The following AAK1 variants were observed in gnomAD, a reference collection of about 807,000 sequenced individuals.
The protein encoded by AAK1 is AP2-associated protein kinase 1.
AAK1 carries 37 observed loss-of-function variants against 116.0 expected under a neutral mutation model. That is an observed-to-expected ratio of 0.32 (90% CI 0.25 to 0.42). AAK1 has a LOEUF of 0.42. Ranked by LOEUF, AAK1 falls within the 10% of genes least tolerant of loss-of-function variation. The probability of loss-of-function intolerance (pLI) is 1.00; values close to 1 mark genes in which losing one functional copy is unlikely to be tolerated. For missense variants in AAK1, 919 were observed against 1,170.6 expected (o/e 0.79, Z 3.14); for synonymous variants, 458 against 439.9 (o/e 1.04, Z -0.51).
At chr2:69,520,141 GA>G in intron 11 of AAK1, 1 of 232,858 alleles carries the variant, frequency 4.3e-6, no homozygotes. Context: ...ACAGAACAGG[GA>G]AGCTGCCCTG....
At chr2:69,562,629 T>C (rs772078784) in intron 2 of AAK1, among the ~76,000 whole-genome samples, 4 of 152,200 alleles carry the variant, frequency 2.6e-5, no homozygotes, top group Non-Finnish European at 4.4e-5. Context: ...CGGTGGCTCA[T>C]GTCTGTAATC....
At chr2:69,599,290 CAATGT>C (rs1673447557) in intron 2 of AAK1, among the ~76,000 whole-genome samples, 1 of 148,418 alleles carries the variant, frequency 6.7e-6, no homozygotes, top group African/African-American at 2.5e-5. Context: ...AATAAGAAAG[CAATGT>C]AGAGTTTTAC....
At chr2:69,505,839 G>C (rs1197612087) in intron 15 of AAK1, among the ~76,000 whole-genome samples, 166 bp from the exon 16 acceptor site, 1 of 152,118 alleles carries the variant, frequency 6.6e-6, no homozygotes. Flanking sequence ...CAATAACTGA[G>C]AGAACGGCTG....
Position 69,514,559 on chromosome 2 carries a change from A to G in AAK1, c.1688T>C (p.Leu563Ser), listed in dbSNP as rs1272093928. The change falls in exon 13 of 22, where the codon TTG becomes TCG. Residue 563 changes from leucine to serine, a missense_variant. This residue lies in a region of AAK1 where 214 missense variants were observed against 210.6 expected (regional missense o/e 1.02). Transcript: ENST00000409085. ...QQQLMTQQAALQQKPTMAAGQ... is the reference protein window; with the variant it reads ...QQQLMTQQAASQQKPTMAAGQ... Reference sequence around the variant, plus strand: ...TGCTGCCATAGTGGGCTTTTGCTGCAAGGCAGCCTGCTGAGTCATCAGCTG... The same window carrying G: ...TGCTGCCATAGTGGGCTTTTGCTGCGAGGCAGCCTGCTGAGTCATCAGCTG... 1.3e-6 allele frequency: 2 copies of G among 1,558,830 alleles called. No homozygotes were observed. The highest frequency in any genetic ancestry group is 2.7e-5 in the African/African-American group (2 of 73,458).
At chr2:69,565,346 G>A (rs1671819454) in intron 2 of AAK1, among the ~76,000 whole-genome samples, 1 of 152,200 alleles carries the variant, frequency 6.6e-6, no homozygotes. Flanking sequence ...CTTAAACCTT[G>A]TGCAGTTTAA....
In AAK1 at chr2:69,643,254, G is replaced by A; in HGVS notation, c.-214C>T. ...AGCGGGTCCCCTCCTCCTCCAGAAAGCGATTCGTGTAAGTTTAAACCTGTG... is the reference window on the plus strand; with the variant it reads ...AGCGGGTCCCCTCCTCCTCCAGAAAACGATTCGTGTAAGTTTAAACCTGTG... On this transcript the variant is annotated 5_prime_UTR_variant, in exon 2 of 22. Coordinates refer to ENST00000409085, the MANE Select transcript of AAK1 (RefSeq NM_014911.5). 5.0e-6 allele frequency: 7 copies of A among 1,410,352 alleles called. No homozygotes were observed. Among genetic ancestry groups the A allele is most frequent in the Non-Finnish European group, 6.4e-6 (7 of 1,090,796 alleles). 87.4% of individuals were successfully genotyped at this position (1,410,352 alleles called of 1,614,324 possible).
chr2:69,497,226 C>T (rs1675778356), intron 16 of AAK1, among the ~76,000 whole-genome samples: 1 of 130,602 alleles, frequency 7.7e-6, no homozygotes, highest in Non-Finnish European at 1.5e-5. Context: ...GATCCTCCCA[C>T]CTCAGCCTAG....
intron 13 of AAK1, 47 bp from the exon 14 acceptor site, chr2:69,509,507 A>AGGCCGGGCGCG: frequency 6.8e-7 from 1 of 1,477,952 alleles, no homozygotes; most frequent in Non-Finnish European, 9.1e-7. Flanking sequence ...TAAAAAAAAA[A>AGGCCGGGCGCG]GTTAAAGGAA....
At chr2:69,553,437 G>GT (rs70954350) in intron 3 of AAK1, among the ~76,000 whole-genome samples, 2,315 of 79,570 alleles carry the variant, frequency 0.029, 106 homozygotes, top group Non-Finnish European at 0.036. Context: ...ATTGAAAGTT[G>GT]TTTTTTTTTT....
At chr2:69,606,186 A>C (rs1192376485) in intron 2 of AAK1, among the ~76,000 whole-genome samples, 1 of 152,128 alleles carries the variant, frequency 6.6e-6, no homozygotes, top group East Asian at 1.9e-4. Flanking sequence ...TACCATCCCC[A>C]AGCAACTGTT....
chr2:69,552,084 CAGAA>C (rs1390713433), intron 3 of AAK1, among the ~76,000 whole-genome samples: 1 of 151,978 alleles, frequency 6.6e-6, no homozygotes, highest in Non-Finnish European at 1.5e-5. Flanking sequence ...TTCTATCTGA[CAGAA>C]GTCTGAGACT....
At chr2:69,601,868 A>T (rs1007574126) in intron 2 of AAK1, among the ~76,000 whole-genome samples, 7 of 152,208 alleles carry the variant, frequency 4.6e-5, no homozygotes, top group African/African-American at 1.7e-4. Context: ...ACCCTACAAA[A>T]TACTTACTAA....
chr2:69,544,892 C>T (rs982071450), intron 3 of AAK1, among the ~76,000 whole-genome samples: 1 of 152,062 alleles, frequency 6.6e-6, no homozygotes, highest in Non-Finnish European at 1.5e-5. Flanking sequence ...GTAGAGAGAC[C>T]GTGTGAACTA....
At chr2:69,628,924 G>A (rs1675035738) in intron 2 of AAK1, among the ~76,000 whole-genome samples, 1 of 152,038 alleles carries the variant, frequency 6.6e-6, no homozygotes, top group Admixed American at 6.6e-5. Context: ...TGTTCCCAGA[G>A]GTACATACAG....
intron 2 of AAK1, among the ~76,000 whole-genome samples, chr2:69,622,736 T>A (rs957035873): frequency 6.6e-6 from 1 of 152,168 alleles, no homozygotes; most frequent in African/African-American, 2.4e-5. Flanking sequence ...GCACTCTGTA[T>A]CTAGCTCAAG....
intron 2 of AAK1, among the ~76,000 whole-genome samples, chr2:69,631,237 A>G (rs951527536): frequency 1.6e-4 from 24 of 152,230 alleles, no homozygotes; most frequent in Admixed American, 6.5e-4. Flanking sequence ...CAAAAGGACA[A>G]TAATCTTTCT....
intron 16 of AAK1, among the ~76,000 whole-genome samples, chr2:69,498,820 C>T (rs1318688086): frequency 6.6e-6 from 1 of 152,226 alleles, no homozygotes; most frequent in African/African-American, 2.4e-5. Context: ...GAACCCAGTG[C>T]CCCAGGCCCA....
chr2:69,497,201 C>T (rs1675777537), intron 16 of AAK1, among the ~76,000 whole-genome samples: 1 of 146,208 alleles, frequency 6.8e-6, no homozygotes, highest in African/African-American at 2.7e-5. Flanking sequence ...TGGACTTAAA[C>T]TCCTGGGCTC....
intron 2 of AAK1, among the ~76,000 whole-genome samples, chr2:69,590,211 TC>T (rs1452277234): frequency 1.3e-5 from 2 of 152,140 alleles, no homozygotes; most frequent in Non-Finnish European, 2.9e-5. Context: ...CGCATTAACT[TC>T]CTAGTCACTT....
Sources: allele counts gnomAD v4.1 joint callset (sites outside exome capture counted in the v4.1 genomes callset), GRCh38; gene constraint gnomAD v4.1.1; regional missense constraint gnomAD v4.1.1; transcripts MANE v1.5; gene names NCBI Gene and HGNC (gene_info 2026-07-23, HGNC 2026-07-21).